Variants in BACH2 observed in about 807,000 individuals in gnomAD.
BACH2 encodes transcription regulator protein BACH2.
A neutral mutation model predicts 61.8 loss-of-function variants in BACH2; 5 were observed. The ratio of observed to expected loss-of-function variants is 0.08; its 90% CI spans 0.04 to 0.17. The LOEUF (loss-of-function observed/expected upper bound fraction) is 0.17, where lower values mean the gene tolerates loss of function less well. Ranked by LOEUF, BACH2 falls within the 10% of genes least tolerant of loss-of-function variation. The pLI is 1.00. For missense variants in BACH2, 824 were observed against 1,091.1 expected, an observed-to-expected ratio of 0.76 and a Z score of 3.45; for synonymous variants, 446 against 440.1, an observed-to-expected ratio of 1.01 and a Z score of -0.17.
At chr6:90,235,690 G>A (rs942442950) in intron 3 of BACH2, among the ~76,000 whole-genome samples, 3 of 152,160 alleles carry the variant, frequency 2.0e-5, no homozygotes, top group African/African-American at 7.2e-5. Context: ...TTTTAAATAG[G>A]AAAAGAAAAT....
chr6:90,029,133 A>G (rs900621419), intron 5 of BACH2, among the ~76,000 whole-genome samples: 6 of 151,894 alleles, frequency 4.0e-5, no homozygotes, highest in Non-Finnish European at 8.8e-5. Flanking sequence ...CCTGCTTCCT[A>G]TCTCTGGAAA....
intron 6 of BACH2, among the ~76,000 whole-genome samples, chr6:89,994,044 G>A (rs562798561): frequency 2.0e-5 from 3 of 152,220 alleles, no homozygotes; most frequent in East Asian, 1.9e-4. Flanking sequence ...AGCCTAAAGT[G>A]TACATTATGC....
chr6:90,092,019 T>C (rs1562437773), intron 4 of BACH2, among the ~76,000 whole-genome samples: 2 of 151,868 alleles, frequency 1.3e-5, no homozygotes, highest in Admixed American at 6.6e-5. Context: ...AAAAATAAAA[T>C]GGTAATAGAA....
At chr6:90,123,800 C>T (rs964929168) in intron 4 of BACH2, among the ~76,000 whole-genome samples, 4 of 147,826 alleles carry the variant, frequency 2.7e-5, no homozygotes, top group Admixed American at 6.7e-5. Context: ...AAAAGAAGAC[C>T]GGTGGGAAAA....
At chr6:90,108,581 C>A (rs923920538) in intron 4 of BACH2, among the ~76,000 whole-genome samples, 17 of 82,220 alleles carry the variant, frequency 2.1e-4, no homozygotes, top group African/African-American at 4.5e-4. Context: ...GCTTGGGAAA[C>A]AGCCTGAGAT....
At position 90,288,761 on chromosome 6, in the gene BACH2, C is replaced by T. The variant is rs116461296; in HGVS notation, c.-446+7719G>A. Among the ~76,000 whole-genome samples the T allele has an allele frequency of 2.0e-3, 298 of 152,282 alleles. 1 individual carries two copies. Among genetic ancestry groups the T allele is most frequent in the African/African-American group, 6.6e-3 (274 of 41,552 alleles). On this transcript the variant is annotated intron_variant, in intron 1 of 8. Coordinates refer to ENST00000257749, the MANE Select transcript of BACH2 (RefSeq NM_021813.4). ...TAGCTAATATTTCTAATTAGGATTT[C>T]TGATGGAATTAGTTCTGAATGAACA...
intron 6 of BACH2, among the ~76,000 whole-genome samples, chr6:89,974,412 C>T (rs181212452): frequency 1.3e-3 from 193 of 152,342 alleles, no homozygotes; most frequent in African/African-American, 4.2e-3. Context: ...TCATCATCAT[C>T]ATCACTGTGT....
chr6:90,272,868 T>C (rs1461874868), intron 1 of BACH2, among the ~76,000 whole-genome samples: 1 of 152,182 alleles, frequency 6.6e-6, no homozygotes, highest in Admixed American at 6.5e-5. Context: ...TTTCTATCAC[T>C]ACCCCTGCCA....
intron 3 of BACH2, among the ~76,000 whole-genome samples, chr6:90,231,958 T>C (rs1770108313): frequency 6.6e-6 from 1 of 151,872 alleles, no homozygotes; most frequent in Admixed American, 6.6e-5. Flanking sequence ...TCAATAGACA[T>C]GATATATTTG....
chr6:90,128,656 A>G (rs1018369988), intron 4 of BACH2, among the ~76,000 whole-genome samples: 2 of 152,192 alleles, frequency 1.3e-5, no homozygotes, highest in Non-Finnish European at 2.9e-5. Context: ...CAGTGTGGTG[A>G]TTGCTCAGGG....
intron 6 of BACH2, among the ~76,000 whole-genome samples, chr6:89,999,781 C>T (rs566874143): frequency 6.6e-5 from 10 of 151,928 alleles, no homozygotes; most frequent in African/African-American, 9.7e-5. Context: ...ATAGATACGC[C>T]GGTAACTATT....
intron 5 of BACH2, among the ~76,000 whole-genome samples, chr6:90,029,837 T>G (rs1252066236): frequency 2.0e-5 from 3 of 152,092 alleles, no homozygotes; most frequent in Admixed American, 2.0e-4. Context: ...CACAGAAAAC[T>G]TACTCCATTC....
intron 5 of BACH2, among the ~76,000 whole-genome samples, chr6:90,063,437 C>T (rs901197243): frequency 6.6e-6 from 1 of 152,078 alleles, no homozygotes; most frequent in African/African-American, 2.4e-5. Context: ...CAAAACAATA[C>T]AGCTGGAAAA....
intron 8 of BACH2, among the ~76,000 whole-genome samples, chr6:89,937,468 T>A (rs1005941495): frequency 6.6e-6 from 1 of 152,190 alleles, no homozygotes; most frequent in African/African-American, 2.4e-5. Context: ...TTAAATGGGA[T>A]CATCCATAAA....
At chr6:90,083,421 A>G (rs1402840570) in intron 5 of BACH2, among the ~76,000 whole-genome samples, 1 of 152,212 alleles carries the variant, frequency 6.6e-6, no homozygotes, top group Non-Finnish European at 1.5e-5. Flanking sequence ...CTGTACCATT[A>G]GCAGAGAATG....
intron 5 of BACH2, chr6:90,080,824 C>A (rs1055624537): frequency 1.8e-5 from 17 of 960,072 alleles, no homozygotes; most frequent in African/African-American, 3.5e-5. Flanking sequence ...TTAGCACATG[C>A]CCTGCAGAGC....
intron 4 of BACH2, among the ~76,000 whole-genome samples, chr6:90,126,236 G>A (rs1040418650): frequency 6.6e-6 from 1 of 152,248 alleles, no homozygotes; most frequent in Non-Finnish European, 1.5e-5. Flanking sequence ...CTTAAGGATT[G>A]TGCATGCTAA....
chr6:90,043,997 TC>T (rs1173268116), intron 5 of BACH2, among the ~76,000 whole-genome samples: 1 of 152,212 alleles, frequency 6.6e-6, no homozygotes, highest in Non-Finnish European at 1.5e-5. Context: ...TTTCATTCAT[TC>T]CATCAATATT....
chr6:90,003,005 C>A (rs1298812996), intron 6 of BACH2, among the ~76,000 whole-genome samples: 3 of 152,184 alleles, frequency 2.0e-5, no homozygotes, highest in African/African-American at 7.2e-5. Context: ...TGACACCAAC[C>A]ACCATGTCAC....
Sources: allele counts gnomAD v4.1 joint callset (sites outside exome capture counted in the v4.1 genomes callset), GRCh38; gene constraint gnomAD v4.1.1; transcripts MANE v1.5; gene names NCBI Gene and HGNC (gene_info 2026-07-23, HGNC 2026-07-21).